LRFN2: variants seen among roughly 807,000 people sequenced by gnomAD.
LRFN2 encodes the protein leucine rich repeat and fibronectin type III domain containing 2, also known as leucine-rich repeat and fibronectin type-III domain-containing protein 2.
LRFN2 carries 18 observed loss-of-function variants against 37.3 expected under a neutral mutation model. That is an observed-to-expected ratio of 0.48 (90% CI 0.33 to 0.72). The LOEUF is 0.72. Among genes scored for constraint, LRFN2 ranks in the 30% least tolerant of loss-of-function variants. LRFN2 has a pLI of 0.02. For missense variants in LRFN2, 1,006 were observed against 1,060.7 expected, an observed-to-expected ratio of 0.95 and a Z score of 0.72; for synonymous variants, 556 against 466.6, an observed-to-expected ratio of 1.19 and a Z score of -2.47.
At chr6:40,559,355 T>C (rs1766951028) in intron 1 of LRFN2, among the ~76,000 whole-genome samples, 1 of 152,184 alleles carries the variant, frequency 6.6e-6, no homozygotes, top group Non-Finnish European at 1.5e-5. Context: ...GACATTACTT[T>C]GAATTTAGTT....
intron 1 of LRFN2, among the ~76,000 whole-genome samples, chr6:40,572,098 G>A (rs1216346337): frequency 6.6e-6 from 1 of 152,208 alleles, no homozygotes; most frequent in Non-Finnish European, 1.5e-5. Flanking sequence ...GATGGTTGAG[G>A]GTGTAGGGCC....
chr6:40,506,897 C>T lies in LRFN2; in HGVS notation c.-18-73766G>A, dbSNP rs183676977. Among the ~76,000 whole-genome samples the T allele has an allele frequency of 1.8e-3, 280 of 151,958 alleles. 3 individuals carry two copies. The highest frequency in any genetic ancestry group is 3.2e-3 in the Non-Finnish European group (217 of 67,970). On this transcript the variant is annotated intron_variant, in intron 1 of 2. Transcript: ENST00000338305. ...AGCTTCCTCAGATGCCAAATGGGAC[C>T]CTAATTTACCCAGCAGGGATGTAAA...
intron 2 of LRFN2, among the ~76,000 whole-genome samples, chr6:40,424,056 C>T (rs1334501424): frequency 1.3e-5 from 2 of 152,212 alleles, no homozygotes; most frequent in East Asian, 1.9e-4. Flanking sequence ...GGACTTCTGA[C>T]TCCAGAGTCA....
intron 1 of LRFN2, among the ~76,000 whole-genome samples, chr6:40,468,896 G>A (rs1478799862): frequency 6.6e-6 from 1 of 152,144 alleles, no homozygotes; most frequent in Admixed American, 6.5e-5. Flanking sequence ...GGCATGCAGG[G>A]GACAGGAGGA....
At chr6:40,467,310 A>G (rs542175166) in intron 1 of LRFN2, among the ~76,000 whole-genome samples, 23 of 151,662 alleles carry the variant, frequency 1.5e-4, no homozygotes, top group Non-Finnish European at 3.1e-4. Context: ...CTGAGGGGAG[A>G]GCTTTCTCCA....
intron 1 of LRFN2, among the ~76,000 whole-genome samples, chr6:40,586,495 C>T (rs1321046810): frequency 6.6e-6 from 1 of 152,202 alleles, no homozygotes; most frequent in Non-Finnish European, 1.5e-5. Context: ...TTACCCCACC[C>T]CACCCAGTCC....
intron 2 of LRFN2, among the ~76,000 whole-genome samples, chr6:40,431,305 C>T (rs1271860665): frequency 6.6e-6 from 1 of 152,192 alleles, no homozygotes; most frequent in African/African-American, 2.4e-5. Flanking sequence ...TTAACCATGA[C>T]TGCATATGAG....
intron 1 of LRFN2, among the ~76,000 whole-genome samples, chr6:40,527,993 C>T (rs1766284115): frequency 6.6e-6 from 1 of 152,158 alleles, no homozygotes; most frequent in Non-Finnish European, 1.5e-5. Context: ...TGTTATTATT[C>T]CCATTTATGG....
intron 1 of LRFN2, among the ~76,000 whole-genome samples, chr6:40,464,489 C>T (rs1764414534): frequency 6.6e-6 from 1 of 152,206 alleles, no homozygotes; most frequent in Non-Finnish European, 1.5e-5. Flanking sequence ...AGCAAGAAGA[C>T]CCTTGTCAGA....
At chr6:40,486,039 C>T (rs1411712662) in intron 1 of LRFN2, among the ~76,000 whole-genome samples, 2 of 152,368 alleles carry the variant, frequency 1.3e-5, no homozygotes, top group East Asian at 3.9e-4. Flanking sequence ...TGCTACCCCT[C>T]CCTCCTGCGG....
intron 1 of LRFN2, among the ~76,000 whole-genome samples, chr6:40,517,930 A>G (rs1370206394): frequency 6.6e-6 from 1 of 152,184 alleles, no homozygotes; most frequent in African/African-American, 2.4e-5. Flanking sequence ...AGGGCAGATC[A>G]GGCCTGTTTT....
Position 40,509,295 on chromosome 6 carries a change from A to G in LRFN2, c.-18-76164T>C, listed in dbSNP as rs944336095. Among the ~76,000 whole-genome samples, 3 of 152,338 alleles carry G rather than the reference A, an allele frequency of 2.0e-5. No individual in the cohort carries two copies. In the South Asian group the frequency reaches 6.2e-4, roughly 32 times the overall value. ...CCCCCAAGGTGGGATCACTCATGGG[A>G]CAGAGCATGGGCTCTGTGTCTAGCA... On this transcript the variant is annotated intron_variant, in intron 1 of 2. Transcript: ENST00000338305.
At chr6:40,427,143 A>C (rs1763372005) in intron 2 of LRFN2, among the ~76,000 whole-genome samples, 1 of 152,260 alleles carries the variant, frequency 6.6e-6, no homozygotes, top group Admixed American at 6.5e-5. Context: ...TTTTGTTGAC[A>C]TGACAATTGG....
chr6:40,584,659 C>T (rs1436559598), intron 1 of LRFN2, among the ~76,000 whole-genome samples: 2 of 152,110 alleles, frequency 1.3e-5, no homozygotes, highest in Admixed American at 6.6e-5. Context: ...ACAATTAATT[C>T]CAATTTCACT....
chr6:40,584,464 C>G (rs1051513688), intron 1 of LRFN2, among the ~76,000 whole-genome samples: 2 of 152,104 alleles, frequency 1.3e-5, no homozygotes, highest in African/African-American at 4.8e-5. Flanking sequence ...AAAACTCCAC[C>G]CCTACCCAAA....
chr6:40,485,867 T>G (rs1764945436), intron 1 of LRFN2, among the ~76,000 whole-genome samples: 1 of 152,120 alleles, frequency 6.6e-6, no homozygotes, highest in East Asian at 1.9e-4. Flanking sequence ...GAGGTGGACT[T>G]TGAAAACCTG....
At chr6:40,501,904 A>T (rs749852271) in intron 1 of LRFN2, 1 of 152,102 alleles carries the variant, frequency 6.6e-6, no homozygotes, top group African/African-American at 2.4e-5. Flanking sequence ...TAGCCTGAAC[A>T]TTCCACCTTG....
intron 1 of LRFN2, among the ~76,000 whole-genome samples, chr6:40,565,504 C>G (rs959347910): frequency 6.6e-6 from 1 of 152,164 alleles, no homozygotes; most frequent in South Asian, 2.1e-4. Flanking sequence ...GCTACAGTAA[C>G]CAAAACAGCA....
intron 1 of LRFN2, among the ~76,000 whole-genome samples, chr6:40,495,471 T>C (rs60764258): frequency 0.023 from 3,487 of 152,316 alleles, 101 homozygotes; most frequent in African/African-American, 0.067. Context: ...GTTGGGCATT[T>C]ACTCCTACTT....
Sources: allele counts gnomAD v4.1 joint callset (sites outside exome capture counted in the v4.1 genomes callset), GRCh38; gene constraint gnomAD v4.1.1; transcripts MANE v1.5; gene names NCBI Gene and HGNC (gene_info 2026-07-23, HGNC 2026-07-21).